The following CEP295 variants were observed in gnomAD, a reference collection of about 807,000 sequenced individuals.
The protein encoded by CEP295 is centrosomal protein of 295 kDa.
In CEP295, 190 loss-of-function variants were observed where a neutral mutation model predicts 291.6. That is an observed-to-expected ratio of 0.65 (90% confidence interval 0.58 to 0.73). CEP295 has a LOEUF of 0.73. Ranked by LOEUF, CEP295 falls within the 30% of genes least tolerant of loss-of-function variation. The probability of loss-of-function intolerance (pLI) is 0.00; values close to 1 mark genes in which losing one functional copy is unlikely to be tolerated. For missense variants in CEP295, 2,863 were observed against 2,949.4 expected (o/e 0.97, Z 0.68); for synonymous variants, 993 against 1,038.8 (o/e 0.96, Z 0.85).
At chr11:93,671,840 C>A (rs1950465165) in intron 5 of CEP295, among the ~76,000 whole-genome samples, 1 of 152,064 alleles carries the variant, frequency 6.6e-6, no homozygotes, top group South Asian at 2.1e-4. Context: ...TTTCTCCAAG[C>A]AGATAAAAAT....
At position 93,681,141 on chromosome 11, in the gene CEP295, A is replaced by G. The variant is rs112681310; in HGVS notation, c.765+1589A>G. On this transcript the variant is annotated intron_variant, in intron 7 of 29. Transcript: ENST00000325212. Reference sequence around the variant, plus strand: ...TTTAGTAGTTAAGCAAGTGGGCTTCACAGTCATTCTGCCAGGATTTATCTG... The same window carrying G: ...TTTAGTAGTTAAGCAAGTGGGCTTCGCAGTCATTCTGCCAGGATTTATCTG... Among the ~76,000 whole-genome samples the G allele has an allele frequency of 8.3e-3, 1,262 of 152,262 alleles. 24 individuals carry two copies. The highest frequency in any genetic ancestry group is 0.029 in the African/African-American group (1,198 of 41,532).
At chr11:93,663,697 T>A (rs575016014) in intron 1 of CEP295, among the ~76,000 whole-genome samples, 1 of 152,202 alleles carries the variant, frequency 6.6e-6, no homozygotes, top group African/African-American at 2.4e-5. Context: ...TTAAAAAATT[T>A]AAAAATTATA....
chr11:93,726,020 TAAAAGG>T (rs961638076), intron 23 of CEP295, among the ~76,000 whole-genome samples, 189 bp downstream of exon 23: 59 of 152,318 alleles, frequency 3.9e-4, no homozygotes, highest in African/African-American at 1.2e-3. Flanking sequence ...CATTATGAAA[TAAAAGG>T]AAAAGTGTTG....
intron 15 of CEP295, among the ~76,000 whole-genome samples, chr11:93,701,854 G>A (rs551901813): frequency 1.3e-5 from 2 of 152,156 alleles, no homozygotes; most frequent in Non-Finnish European, 2.9e-5. Context: ...TGCCCAACTC[G>A]GCCTCCCAAA....
intron 25 of CEP295, 166 bp from the exon 26 acceptor site, chr11:93,729,268 C>CT: frequency 1.6e-6 from 1 of 623,684 alleles, no homozygotes; most frequent in Non-Finnish European, 2.8e-6. Context: ...AACCCAATCC[C>CT]TACAAAAAAT....
chr11:93,671,316 A>C (rs1950436750), intron 5 of CEP295, among the ~76,000 whole-genome samples: 1 of 151,480 alleles, frequency 6.6e-6, no homozygotes, highest in East Asian at 1.9e-4. Flanking sequence ...TGTTACTATC[A>C]CTGTTAACTT....
rs886282557 is a variant in CEP295 at position 93,700,095 on chromosome 11, A to G, written c.5183A>G (p.Gln1728Arg). 2.6e-6 allele frequency: 4 copies of G among 1,551,684 alleles called. No homozygotes were observed. The African/African-American group carries it at 5.5e-5, about 21-fold the overall frequency. Residue 1728 changes from glutamine (Q) to arginine (R), a missense_variant, in exon 15 of 30, where the codon CAG becomes CGG. Physicochemically the swap from Gln to Arg is conservative, Grantham distance 43. Around this residue, in one of 3 missense-constraint regions of CEP295, gnomAD observed 2,295 missense variants for 2,335.7 expected, o/e 0.98. Transcript: ENST00000325212. ...REVLHYSQKA[Q>R]EKLLVQRQTA... Reference sequence around the variant, plus strand: ...GTTCTGCATTATAGCCAGAAAGCCCAGGAAAAATTGCTTGTACAGAGACAA... The same window carrying G: ...GTTCTGCATTATAGCCAGAAAGCCCGGGAAAAATTGCTTGTACAGAGACAA...
intron 3 of CEP295, among the ~76,000 whole-genome samples, chr11:93,668,341 G>A (rs978651584): frequency 6.6e-6 from 1 of 152,106 alleles, no homozygotes; most frequent in Non-Finnish European, 1.5e-5. Flanking sequence ...TTAAGACTGT[G>A]GCAATCTGTT....
intron 15 of CEP295, 22 bp downstream of exon 15, chr11:93,700,208 T>C (rs771116592): frequency 2.6e-5 from 39 of 1,502,432 alleles, no homozygotes; most frequent in African/African-American, 7.1e-5. Flanking sequence ...ACCTGAATAA[T>C]AATGAAACAC....
intron 24 of CEP295, 56 bp downstream of exon 24, chr11:93,727,693 T>C: frequency 7.3e-7 from 1 of 1,360,744 alleles, no homozygotes; most frequent in Non-Finnish European, 9.8e-7. Flanking sequence ...GGGAAAAAAC[T>C]TTTTTCTTCT....
chr11:93,698,790 C>G lies in CEP295; in HGVS notation c.3878C>G (p.Pro1293Arg). Residue 1293 changes from proline to arginine, a missense_variant, in exon 15 of 30, where the codon CCC (proline) becomes CGC (arginine). Pro to Arg is a moderately radical substitution (Grantham distance 103). Around this residue, in one of 3 missense-constraint regions of CEP295, gnomAD observed 2,295 missense variants for 2,335.7 expected, o/e 0.98. Transcript: ENST00000325212. Reference sequence around the variant, plus strand: ...CAAACTGGTTCATCTTCATTCATACCCCAGTTGGTACAGCTTTCATTTACT... The same window carrying G: ...CAAACTGGTTCATCTTCATTCATACGCCAGTTGGTACAGCTTTCATTTACT... ...SEQTGSSSFI[P>R]QLVQLSFTSL... The G allele has an allele frequency of 6.4e-7, 1 of 1,551,606 alleles. No homozygotes were observed. Among genetic ancestry groups the G allele is most frequent in the Non-Finnish European group, 8.7e-7 (1 of 1,146,942 alleles).
At chr11:93,707,523 G>A (rs1300731021) in intron 18 of CEP295, among the ~76,000 whole-genome samples, 2 of 151,922 alleles carry the variant, frequency 1.3e-5, no homozygotes, top group Non-Finnish European at 2.9e-5. Context: ...TAGCACTTTG[G>A]GAGGCCAAGA....
chr11:93,701,597 T>TTTTG (rs374210234), intron 15 of CEP295, among the ~76,000 whole-genome samples: 2 of 152,022 alleles, frequency 1.3e-5, no homozygotes, highest in African/African-American at 2.4e-5. Context: ...TTTGTTTGTT[T>TTTTG]TTTGTTTGTT....
chr11:93,677,207 T>TA (rs1950738147), intron 6 of CEP295, among the ~76,000 whole-genome samples: 1 of 152,102 alleles, frequency 6.6e-6, no homozygotes, highest in Non-Finnish European at 1.5e-5. Context: ...TGCACAATAA[T>TA]TTTAGCATCT....
intron 24 of CEP295, chr11:93,727,867 A>G (rs951970643): frequency 9.3e-5 from 39 of 421,580 alleles, no homozygotes; most frequent in Admixed American, 2.4e-4. Context: ...TAATATTGCT[A>G]TCCAGCTTGT....
At position 93,667,611 on chromosome 11, in the gene CEP295, G is replaced by A. The variant is rs1483016524; in HGVS notation, c.113G>A (p.Arg38Gln). The A allele has an allele frequency of 4.5e-6, 7 of 1,540,184 alleles. No individual in the cohort carries two copies. Among genetic ancestry groups the A allele is most frequent in the South Asian group, 3.7e-5 (3 of 81,818 alleles). Residue 38 changes from arginine (R) to glutamine (Q), a missense_variant, in exon 3 of 30, where the codon CGA (arginine) becomes CAA (glutamine). Physicochemically the swap from Arg to Gln is conservative, Grantham distance 43 (BLOSUM62 1). This residue lies in a region of CEP295 where 554 missense variants were observed against 576.0 expected (regional missense o/e 0.96). Coordinates refer to ENST00000325212, the MANE Select transcript of CEP295 (RefSeq NM_033395.2). ...TGTTAAATATGCATTCTTTAGGTTC[G>A]AGAACAAGAAAGAGATATCGCCTTA... Reference protein sequence around the residue: ...RRRKLRLLQVREQERDIALQI... With the variant: ...RRRKLRLLQVQEQERDIALQI...
chr11:93,699,797 C>G lies in CEP295; in HGVS notation c.4885C>G (p.Gln1629Glu), dbSNP rs151061248. 2.9e-4 allele frequency: 450 copies of G among 1,552,174 alleles called. 8 individuals carry two copies. In the East Asian group the frequency reaches 0.011, roughly 37 times the overall value. ...CCAGGAAGAACTGTCTTTAAACAAA[C>G]AAAGAAAGTTGAACAAAAGTGAATC... ...KPQEELSLNK[Q>E]RKLNKSESAE... Residue 1629 changes from glutamine (Q) to glutamate (E), a missense_variant, in exon 15 of 30, where the codon CAA (glutamine) becomes GAA (glutamate). Physicochemically the swap from Gln to Glu is conservative, Grantham distance 29. Around this residue, in one of 3 missense-constraint regions of CEP295, gnomAD observed 2,295 missense variants for 2,335.7 expected, o/e 0.98. Coordinates refer to ENST00000325212, the MANE Select transcript of CEP295 (RefSeq NM_033395.2).
At chr11:93,696,224 C>A in intron 13 of CEP295, 96 bp from the exon 14 acceptor site, 1 of 648,604 alleles carries the variant, frequency 1.5e-6, no homozygotes. Flanking sequence ...AAAAATAAAG[C>A]TGTATGGAAG....
At chr11:93,710,937 T>G (rs1952852047) in intron 18 of CEP295, among the ~76,000 whole-genome samples, 1 of 152,214 alleles carries the variant, frequency 6.6e-6, no homozygotes, top group Non-Finnish European at 1.5e-5. Context: ...TTTAAATTTC[T>G]GCAGTATCTG....
Sources: allele counts gnomAD v4.1 joint callset (sites outside exome capture counted in the v4.1 genomes callset), GRCh38; gene constraint gnomAD v4.1.1; regional missense constraint gnomAD v4.1.1; transcripts MANE v1.5; gene names NCBI Gene and HGNC (gene_info 2026-07-23, HGNC 2026-07-21).